Variants in FTCDNL1 observed in about 807,000 individuals in gnomAD.
The protein encoded by FTCDNL1 is formiminotransferase N-terminal subdomain-containing protein.
In FTCDNL1, 11 loss-of-function variants were observed where a neutral mutation model predicts 5.9. The observed-to-expected ratio is 1.87, with a 90% CI of 1.18 to 3.10. The LOEUF (loss-of-function observed/expected upper bound fraction) is 3.10, where lower values mean the gene tolerates loss of function less well. Among genes scored for constraint, FTCDNL1 ranks in the 30% most tolerant of loss-of-function variants. The pLI, the probability that FTCDNL1 is intolerant of heterozygous loss-of-function variation, is 0.00. For missense variants in FTCDNL1, 115 were observed against 65.5 expected, an observed-to-expected ratio of 1.76 and a Z score of -2.61; for synonymous variants, 58 against 24.8, an observed-to-expected ratio of 2.34 and a Z score of -3.99.
the FTCDNL1 span, among the ~76,000 whole-genome samples, chr2:199,747,355 C>T: frequency 2.4e-4 from 37 of 152,184 alleles, no homozygotes; most frequent in African/African-American, 5.5e-4. Context: ...GTCGTAGGGG[C>T]GCACACATTT....
At chr2:199,786,480 C>A (rs575770428) in intron 3 of FTCDNL1, among the ~76,000 whole-genome samples, 1 of 152,052 alleles carries the variant, frequency 6.6e-6, no homozygotes, top group East Asian at 1.9e-4. Flanking sequence ...TGAACTTGAT[C>A]GAATTCCACT....
the FTCDNL1 span, among the ~76,000 whole-genome samples, chr2:199,752,073 G>T: frequency 2.0e-5 from 3 of 152,152 alleles, no homozygotes; most frequent in Non-Finnish European, 4.4e-5. Context: ...CCCAAAGGCA[G>T]TATGGAAACC....
At chr2:199,701,326 AAAAAAAAAAAAAAAAAAAAAAAAAAAC>A in the FTCDNL1 span, among the ~76,000 whole-genome samples, 3 of 8,226 alleles carry the variant, frequency 3.6e-4, no homozygotes, top group South Asian at 0.012. Context: ...AAAAAAAAAA[AAAAAAAAAAAAAAAAAAAAAAAAAAAC>A]CACCGCATGC....
chr2:199,676,455 T>C, the FTCDNL1 span, among the ~76,000 whole-genome samples: 1 of 152,022 alleles, frequency 6.6e-6, no homozygotes, highest in East Asian at 1.9e-4. Context: ...CATTTTTATA[T>C]AAAACATAAT....
the FTCDNL1 span, among the ~76,000 whole-genome samples, chr2:199,737,602 T>C: frequency 1.5e-4 from 23 of 152,286 alleles, 1 homozygote; most frequent in South Asian, 3.3e-3. Context: ...AACAATCTTT[T>C]AGAGAGATGA....
chr2:199,834,392 C>A (rs945635843), intron 3 of FTCDNL1, among the ~76,000 whole-genome samples: 2 of 152,168 alleles, frequency 1.3e-5, no homozygotes, highest in Non-Finnish European at 2.9e-5. Flanking sequence ...ACACCAGCCT[C>A]GCTCCCTCCT....
chr2:199,772,518 A>G (rs1698864027), intron 3 of FTCDNL1, among the ~76,000 whole-genome samples: 1 of 152,134 alleles, frequency 6.6e-6, no homozygotes, highest in Non-Finnish European at 1.5e-5. Flanking sequence ...AGTATGCTCT[A>G]TATCTACACA....
chr2:199,740,526 T>G, the FTCDNL1 span, among the ~76,000 whole-genome samples: 2 of 152,172 alleles, frequency 1.3e-5, no homozygotes, highest in African/African-American at 4.8e-5. Context: ...AAGGACGTGT[T>G]AGAACACCAT....
intron 3 of FTCDNL1, among the ~76,000 whole-genome samples, chr2:199,781,573 A>G (rs2106327530): frequency 6.6e-6 from 1 of 152,268 alleles, no homozygotes; most frequent in East Asian, 1.9e-4. Flanking sequence ...GGCAGTTCAT[A>G]TCTCTTTAGA....
At chr2:199,683,779 T>A in the FTCDNL1 span, among the ~76,000 whole-genome samples, 1 of 152,212 alleles carries the variant, frequency 6.6e-6, no homozygotes, top group Non-Finnish European at 1.5e-5. Flanking sequence ...GCAAAATACC[T>A]TTAATTCCCT....
chr2:199,739,675 G>T, the FTCDNL1 span, among the ~76,000 whole-genome samples: 1 of 152,178 alleles, frequency 6.6e-6, no homozygotes, highest in African/African-American at 2.4e-5. Context: ...CAGTTTAGCA[G>T]CTATGATAAT....
the FTCDNL1 span, among the ~76,000 whole-genome samples, chr2:199,727,717 C>T: frequency 1.2e-3 from 185 of 152,246 alleles, no homozygotes; most frequent in Admixed American, 3.9e-3. Flanking sequence ...CATCTCAGAT[C>T]CTTCCCATCC....
chr2:199,812,371 A>T lies in FTCDNL1; in HGVS notation c.*334T>A. 1 of 253,396 alleles carries T rather than the reference A, an allele frequency of 3.9e-6. No individual in the cohort carries two copies. Among genetic ancestry groups the T allele is most frequent in the Middle Eastern group, 1.2e-3 (1 of 856 alleles). 15.7% of individuals were successfully genotyped at this position (253,396 alleles called of 1,614,324 possible). On this transcript the variant is annotated 3_prime_UTR_variant, in exon 5 of 5. Coordinates refer to ENST00000420128, the MANE Select transcript of FTCDNL1 (RefSeq NM_001363886.2). Reference sequence around the variant, plus strand: ...TCAAAACCAATACGGTGATCCAATTATACTGAATCAAATTCTGTGTTTAAA... The same window carrying T: ...TCAAAACCAATACGGTGATCCAATTTTACTGAATCAAATTCTGTGTTTAAA...
rs532168010 is a variant in FTCDNL1, at chr2:199,822,580, T to C, written c.212-2823A>G. ...AAAATAAGACCACAGTGAAGTTTAC[T>C]GCATCAATTGGCTTTTCCTTTCACG... On this transcript the variant is annotated intron_variant, in intron 3 of 4. Transcript: ENST00000420128. Among the ~76,000 whole-genome samples, 8 of 152,368 alleles carry C rather than the reference T, an allele frequency of 5.3e-5. No individual in the cohort carries two copies. In the East Asian group the frequency reaches 1.5e-3, roughly 29 times the overall value.
intron 3 of FTCDNL1, among the ~76,000 whole-genome samples, chr2:199,837,581 G>T (rs923308869): frequency 1.3e-5 from 2 of 152,102 alleles, no homozygotes; most frequent in African/African-American, 4.8e-5. Flanking sequence ...TCTGTAATAA[G>T]GTAATCAAAG....
the FTCDNL1 span, among the ~76,000 whole-genome samples, chr2:199,732,288 T>C: frequency 2.0e-5 from 3 of 152,230 alleles, no homozygotes; most frequent in East Asian, 1.9e-4. Flanking sequence ...TCCAGGAAAT[T>C]TCTATAGACC....
chr2:199,728,192 G>A, the FTCDNL1 span, among the ~76,000 whole-genome samples: 1 of 151,632 alleles, frequency 6.6e-6, no homozygotes, highest in South Asian at 2.1e-4. Flanking sequence ...ATTAGAAAGA[G>A]TTTTTAAGGT....
At chr2:199,702,056 T>A in the FTCDNL1 span, among the ~76,000 whole-genome samples, 1 of 151,848 alleles carries the variant, frequency 6.6e-6, no homozygotes, top group South Asian at 2.1e-4. Flanking sequence ...TAAAATCATA[T>A]AATATTAAAA....
chr2:199,756,360 C>A (rs1174856114), downstream of FTCDNL1, among the ~76,000 whole-genome samples: 1 of 152,052 alleles, frequency 6.6e-6, no homozygotes, highest in African/African-American at 2.4e-5. Context: ...GGTGAAAGGG[C>A]GTGGGGGTGG....
Sources: gnomAD v4.1 joint callset for allele counts (sites outside exome capture counted in the v4.1 genomes callset) on GRCh38, gnomAD v4.1.1 for gene constraint, MANE v1.5 for transcripts, NCBI Gene and HGNC (gene_info 2026-07-23, HGNC 2026-07-21) for gene names.